The following PACSIN2 variants were observed in gnomAD, a reference collection of about 807,000 sequenced individuals.
PACSIN2 encodes protein kinase C and casein kinase substrate in neurons 2, also known as protein kinase C and casein kinase substrate in neurons protein 2.
In PACSIN2, 25 loss-of-function variants were observed where a neutral mutation model predicts 63.8. The observed-to-expected ratio is 0.39, with a 90% CI of 0.29 to 0.55. The LOEUF is 0.55. Among genes scored for constraint, PACSIN2 ranks in the 20% least tolerant of loss-of-function variants. PACSIN2 has a pLI of 0.62. For synonymous variants in PACSIN2, 255 were observed against 256.2 expected (o/e 1.00, Z 0.05); for missense variants, 518 against 646.9 (o/e 0.80, Z 2.16).
chr22:42,923,352 G>A (rs1287002851), intron 1 of PACSIN2, among the ~76,000 whole-genome samples: 1 of 152,292 alleles, frequency 6.6e-6, no homozygotes, highest in African/African-American at 2.4e-5. Flanking sequence ...TAAAAGCCCA[G>A]GTCCTCCTGG....
At chr22:42,939,379 A>G (rs1427871565) in intron 1 of PACSIN2, among the ~76,000 whole-genome samples, 1 of 152,214 alleles carries the variant, frequency 6.6e-6, no homozygotes, top group Non-Finnish European at 1.5e-5. Context: ...GACAAAAATG[A>G]CACTTTTTCA....
At chr22:43,004,468 C>A (rs771365260) in intron 1 of PACSIN2, among the ~76,000 whole-genome samples, 2 of 152,134 alleles carry the variant, frequency 1.3e-5, no homozygotes, top group Admixed American at 1.3e-4. Flanking sequence ...TCACCACGTG[C>A]GAGCTAAGTG....
chr22:42,983,499 A>AAAAAAC (rs1922387153), intron 1 of PACSIN2, among the ~76,000 whole-genome samples: 2 of 145,826 alleles, frequency 1.4e-5, no homozygotes, highest in Non-Finnish European at 3.0e-5. Context: ...CAAAAAAAAA[A>AAAAAAC]AAAAAAAAAC....
In PACSIN2 at chr22:42,891,178, G is replaced by C. The variant is rs1357319862; in HGVS notation, c.222C>G (p.Pro74=). The part of the protein sequence containing the change: ...RRWRQLVEKG[P]QYGTVEKAWM... ...AGGCCTTCTCCACGGTCCCGTACTG[G>C]GGCCCTGTGCAGGGGAGAGAAGCTG... Residue 74 remains proline, a synonymous_variant, in exon 4 of 11, where the codon CCC becomes CCG. Transcript: ENST00000263246. 2 of 1,612,124 alleles carry C rather than the reference G, an allele frequency of 1.2e-6. No homozygotes were observed. The highest frequency in any genetic ancestry group is 1.7e-6 in the Non-Finnish European group (2 of 1,179,014).
chr22:42,889,373 T>TACACACACACACACACACACACACAC lies in PACSIN2; in HGVS notation c.454-601_454-576dup, dbSNP rs58408551. The stretch of plus-strand genomic sequence containing the variant: ...CATTTCCTCTGGTTTTAATGGTTTT[T>TACACACACACACACACACACACACAC]ACACACACACACACACACACACACA... On this transcript the variant is annotated intron_variant, in intron 4 of 10. Transcript: ENST00000263246. Among the ~76,000 whole-genome samples the TACACACACACACACACACACACACAC allele has an allele frequency of 7.3e-3, 897 of 122,510 alleles. 19 individuals carry two copies. Among genetic ancestry groups the TACACACACACACACACACACACACAC allele is most frequent in the East Asian group, 0.049 (220 of 4,470 alleles). 80.4% of individuals were successfully genotyped at this position (122,510 alleles called of 152,430 possible).
At chr22:42,930,234 C>A (rs1932757961) in intron 1 of PACSIN2, among the ~76,000 whole-genome samples, 1 of 152,220 alleles carries the variant, frequency 6.6e-6, no homozygotes. Flanking sequence ...ATAAACTTCT[C>A]TTTAAGCCAC....
intron 1 of PACSIN2, among the ~76,000 whole-genome samples, chr22:42,956,451 TA>T (rs1204405599): frequency 1.3e-5 from 2 of 152,260 alleles, no homozygotes; most frequent in Non-Finnish European, 2.9e-5. Flanking sequence ...GAAATGTGAC[TA>T]TAGTGCCTTC....
rs149120347 is a variant in PACSIN2, at chr22:42,910,368, T to C, written c.60+1653A>G. 2.0e-5 allele frequency among the ~76,000 whole-genome samples: 3 copies of C among 152,332 alleles called. No individual in the cohort carries two copies. The East Asian group carries it at 5.8e-4, about 29-fold the overall frequency. On this transcript the variant is annotated intron_variant, in intron 2 of 10. Coordinates refer to ENST00000263246, the MANE Select transcript of PACSIN2 (RefSeq NM_001184970.3). ...TGTTGAGAACAAGGGCCTGCACTTC[T>C]AAAGGCTGGAGAGCTCACAGGAAGG...
chr22:43,014,076 G>A (rs1464695293), intron 1 of PACSIN2, among the ~76,000 whole-genome samples: 1 of 152,152 alleles, frequency 6.6e-6, no homozygotes, highest in Non-Finnish European at 1.5e-5. Flanking sequence ...GACCTTCTCT[G>A]ATGGAGCCGA....
chr22:42,961,055 G>C (rs1934114539), intron 1 of PACSIN2, among the ~76,000 whole-genome samples: 1 of 152,206 alleles, frequency 6.6e-6, no homozygotes, highest in African/African-American at 2.4e-5. Flanking sequence ...GGCCAGGGCA[G>C]GGCCAGTTCA....
Position 42,912,014 on chromosome 22 carries a change from G to A in PACSIN2, c.60+7C>T. 2 of 1,594,022 alleles carry A rather than the reference G, an allele frequency of 1.3e-6. No homozygotes were observed. Among genetic ancestry groups the A allele is most frequent in the South Asian group, 1.1e-5 (1 of 88,770 alleles). ...CTTCATTCACTGGAAGAAAGCAGGT[G>A]CATTACCTCCCAGAAGCTGTCGCTG... On this transcript the variant is annotated splice_region_variant and intron_variant, in intron 2 of 10. Transcript: ENST00000263246.
chr22:42,999,983 G>A (rs1923663406), intron 1 of PACSIN2, among the ~76,000 whole-genome samples: 1 of 152,238 alleles, frequency 6.6e-6, no homozygotes, highest in Non-Finnish European at 1.5e-5. Context: ...ACACATTCAT[G>A]CATCCCATCT....
intron 1 of PACSIN2, among the ~76,000 whole-genome samples, chr22:42,929,247 G>A (rs372721869): frequency 7.2e-5 from 11 of 152,326 alleles, no homozygotes; most frequent in African/African-American, 2.4e-4. Flanking sequence ...TCCCAAGCAC[G>A]TCCACATCAC....
intron 8 of PACSIN2, among the ~76,000 whole-genome samples, chr22:42,878,325 G>C (rs1187797437): frequency 1.3e-5 from 2 of 152,154 alleles, no homozygotes; most frequent in Non-Finnish European, 2.9e-5. Context: ...GGGAGCCTGG[G>C]TGGGGGCTTC....
intron 2 of PACSIN2, among the ~76,000 whole-genome samples, chr22:42,896,573 G>C (rs969386819): frequency 1.3e-5 from 2 of 152,192 alleles, no homozygotes; most frequent in Non-Finnish European, 2.9e-5. Flanking sequence ...GGGGAATTAT[G>C]AATAAAGAAG....
intron 2 of PACSIN2, among the ~76,000 whole-genome samples, chr22:42,909,136 G>A (rs1302418209): frequency 1.3e-5 from 2 of 152,064 alleles, no homozygotes; most frequent in African/African-American, 4.8e-5. Context: ...GTGCAGCAAC[G>A]TCCACTACCC....
intron 1 of PACSIN2, among the ~76,000 whole-genome samples, chr22:43,002,757 TCTACATTAGC>T (rs1443821428): frequency 3.9e-5 from 6 of 152,154 alleles, no homozygotes; most frequent in Admixed American, 3.3e-4. Context: ...TGCAAATTCA[TCTACATTAGC>T]AAAAAAGTGG....
At chr22:42,961,918 C>T (rs943928492) in intron 1 of PACSIN2, among the ~76,000 whole-genome samples, 2 of 152,190 alleles carry the variant, frequency 1.3e-5, no homozygotes, top group African/African-American at 4.8e-5. Context: ...CAGCCCGTCA[C>T]CAAAAAAGCA....
chr22:42,987,958 T>C (rs1184371644), intron 1 of PACSIN2, among the ~76,000 whole-genome samples: 4 of 151,902 alleles, frequency 2.6e-5, no homozygotes, highest in African/African-American at 9.7e-5. Flanking sequence ...CTGGCCAACA[T>C]GGTGAAACCC....
Sources: gnomAD v4.1 joint callset for allele counts (sites outside exome capture counted in the v4.1 genomes callset) on GRCh38, gnomAD v4.1.1 for gene constraint, MANE v1.5 for transcripts, NCBI Gene and HGNC (gene_info 2026-07-23, HGNC 2026-07-21) for gene names.